CIB4: variants seen among roughly 807,000 people sequenced by gnomAD.
CIB4 encodes calcium and integrin-binding family member 4.
Under a neutral mutation model 25.8 loss-of-function variants are expected in CIB4, and 25 were observed. The observed-to-expected ratio is 0.97, with a 90% confidence interval of 0.71 to 1.35. The LOEUF (loss-of-function observed/expected upper bound fraction) is 1.35. Among genes scored for constraint, CIB4 ranks in the 40% most tolerant of loss-of-function variants. CIB4 has a pLI of 0.00. For synonymous variants in CIB4, 75 were observed against 81.4 expected (o/e 0.92, Z 0.42); for missense variants, 235 against 228.2 (o/e 1.03, Z -0.19).
intron 2 of CIB4, among the ~76,000 whole-genome samples, chr2:26,634,280 G>A (rs146703530): frequency 4.7e-4 from 72 of 152,258 alleles, no homozygotes; most frequent in Middle Eastern, 3.4e-3. Context: ...TTGCTCTACA[G>A]TACTGCCTGC....
intron 3 of CIB4, among the ~76,000 whole-genome samples, chr2:26,622,982 C>CA (rs1240137886): frequency 3.3e-5 from 5 of 149,724 alleles, no homozygotes; most frequent in East Asian, 3.9e-4. Flanking sequence ...GACTCCATCT[C>CA]AAAAAAAATA....
At position 26,595,257 on chromosome 2, in the gene CIB4, C is replaced by T. The variant is rs1456136475; in HGVS notation, c.247G>A (p.Glu83Lys). The T allele has an allele frequency of 1.2e-6, 2 of 1,614,060 alleles. No individual in the cohort carries two copies. Among genetic ancestry groups the T allele is most frequent in the Non-Finnish European group, 1.7e-6 (2 of 1,180,022 alleles). Residue 83 changes from glutamate to lysine, a missense_variant, in exon 4 of 7, where the codon GAG becomes AAG. By Grantham distance (56) the Glu-to-Lys change is moderately conservative. Coordinates refer to ENST00000288861, the MANE Select transcript of CIB4 (RefSeq NM_001029881.3). ...ACAGATGCCATGCCCAGCACATCCT[C>T]AAAGGAGAACATGCCTTTGTGGGAG... ...VFSHKGMFSF[E>K]DVLGMASVFS...
chr2:26,611,714 TAAATAAACCCCTGGAAAG>T (rs1327157698), intron 3 of CIB4, among the ~76,000 whole-genome samples: 31 of 152,084 alleles, frequency 2.0e-4, no homozygotes, highest in Admixed American at 2.0e-3. Flanking sequence ...AACAAATAAA[TAAATAAACCCCTGGAAAG>T]AATGTTAATG....
chr2:26,613,294 T>C (rs566458148), intron 3 of CIB4, among the ~76,000 whole-genome samples: 22 of 152,258 alleles, frequency 1.4e-4, no homozygotes, highest in African/African-American at 5.3e-4. Context: ...AGCAGTACCC[T>C]TGGGGCCAAA....
intron 3 of CIB4, among the ~76,000 whole-genome samples, chr2:26,618,530 G>A (rs527996311): frequency 6.0e-4 from 92 of 152,204 alleles, no homozygotes; most frequent in Non-Finnish European, 9.9e-4. Context: ...GAACTCCTGG[G>A]CTCAAGTAAT....
chr2:26,614,386 C>T (rs1731239), intron 3 of CIB4, among the ~76,000 whole-genome samples: 1 of 152,038 alleles, frequency 6.6e-6, no homozygotes, highest in Non-Finnish European at 1.5e-5. Flanking sequence ...CCTCATCTGC[C>T]TGTCCCTTGG....
rs376717111 is a variant in CIB4, at chr2:26,625,604, G to A, written c.186+3806C>T. Reference sequence around the variant, plus strand: ...CAACCTCAGGTGATCCACCCGCTTCGGCCTCCCAAAGTGCTGGGATTACAG... The same window carrying A: ...CAACCTCAGGTGATCCACCCGCTTCAGCCTCCCAAAGTGCTGGGATTACAG... On this transcript the variant is annotated intron_variant, in intron 3 of 6. Coordinates refer to ENST00000288861, the MANE Select transcript of CIB4 (RefSeq NM_001029881.3). Among the ~76,000 whole-genome samples the A allele has an allele frequency of 1.6e-4, 24 of 152,198 alleles. No individual in the cohort carries two copies. In the South Asian group the frequency reaches 3.1e-3, roughly 20 times the overall value.
chr2:26,582,811 C>G lies in CIB4; in HGVS notation c.527+14G>C. On this transcript the variant is annotated intron_variant, in intron 6 of 6. Transcript: ENST00000288861. ...ACTCTCCTGGACAGTCTCACCCCCT[C>G]CAGAATGCCTTACTTCATGAAATCT... The G allele has an allele frequency of 1.3e-6, 2 of 1,578,030 alleles. No homozygotes were observed. Among genetic ancestry groups the G allele is most frequent in the Non-Finnish European group, 1.7e-6 (2 of 1,147,422 alleles).
chr2:26,601,857 T>C (rs1668798757), intron 3 of CIB4, among the ~76,000 whole-genome samples: 2 of 152,218 alleles, frequency 1.3e-5, no homozygotes, highest in African/African-American at 4.8e-5. Flanking sequence ...TGGATGATTC[T>C]TCAATGCATT....
At chr2:26,595,002 T>C (rs139553571) in intron 4 of CIB4, among the ~76,000 whole-genome samples, 174 bp downstream of exon 4, 6 of 151,788 alleles carry the variant, frequency 4.0e-5, no homozygotes, top group African/African-American at 1.5e-4. Flanking sequence ...GATGCTGTCA[T>C]TCTCAATCTT....
intron 3 of CIB4, among the ~76,000 whole-genome samples, chr2:26,603,326 G>A (rs191664353): frequency 9.1e-4 from 139 of 152,206 alleles, no homozygotes; most frequent in African/African-American, 3.3e-3. Flanking sequence ...AGTGCAAGCC[G>A]AGCAAAGTTT....
intron 3 of CIB4, among the ~76,000 whole-genome samples, chr2:26,626,688 C>T (rs772269588): frequency 5.5e-4 from 83 of 152,152 alleles, no homozygotes; most frequent in Non-Finnish European, 9.1e-4. Flanking sequence ...CTCCAGTGAG[C>T]AAGTTCGGGG....
intron 3 of CIB4, among the ~76,000 whole-genome samples, chr2:26,598,193 G>A (rs1306203049): frequency 5.9e-5 from 9 of 151,714 alleles, no homozygotes; most frequent in East Asian, 3.9e-4. Flanking sequence ...CCAGCTACTC[G>A]AGAGACTGAG....
chr2:26,602,333 G>A (rs1668808072), intron 3 of CIB4, among the ~76,000 whole-genome samples: 1 of 152,094 alleles, frequency 6.6e-6, no homozygotes, highest in African/African-American at 2.4e-5. Context: ...AGTATTCTAG[G>A]GAGTCATTCC....
At chr2:26,630,520 G>A (rs746397805) in intron 2 of CIB4, among the ~76,000 whole-genome samples, 4 of 152,190 alleles carry the variant, frequency 2.6e-5, no homozygotes, top group Non-Finnish European at 5.9e-5. Flanking sequence ...TGTGAAGGAG[G>A]CTGAAGGGTA....
At chr2:26,630,672 T>C (rs1309870204) in intron 2 of CIB4, among the ~76,000 whole-genome samples, 2 of 152,184 alleles carry the variant, frequency 1.3e-5, no homozygotes, top group African/African-American at 4.8e-5. Flanking sequence ...AGCAAGGTTC[T>C]GAATCCACCT....
At chr2:26,609,757 G>A (rs545556750) in intron 3 of CIB4, among the ~76,000 whole-genome samples, 9 of 152,332 alleles carry the variant, frequency 5.9e-5, no homozygotes, top group Admixed American at 1.3e-4. Flanking sequence ...TTTTAATGCT[G>A]TTGTACTATG....
intron 3 of CIB4, among the ~76,000 whole-genome samples, chr2:26,598,661 G>A (rs1485318500): frequency 6.6e-6 from 1 of 152,176 alleles, no homozygotes; most frequent in Admixed American, 6.5e-5. Flanking sequence ...GTAAGGCCTG[G>A]CAGGCACCTG....
chr2:26,590,897 G>C (rs913136468), intron 4 of CIB4, among the ~76,000 whole-genome samples: 2 of 152,206 alleles, frequency 1.3e-5, no homozygotes, highest in Non-Finnish European at 2.9e-5. Flanking sequence ...AAGACATTGT[G>C]GGGGATATTG....
Sources: gnomAD v4.1 joint callset for allele counts (sites outside exome capture counted in the v4.1 genomes callset) on GRCh38, gnomAD v4.1.1 for gene constraint, MANE v1.5 for transcripts, NCBI Gene and HGNC (gene_info 2026-07-23, HGNC 2026-07-21) for gene names.